Variants in CNTN4 observed in about 807,000 individuals in gnomAD.
CNTN4 encodes contactin-4.
CNTN4 carries 77 observed loss-of-function variants against 122.5 expected under a neutral mutation model. The ratio of observed to expected loss-of-function variants is 0.63; its 90% CI spans 0.52 to 0.76. The LOEUF is 0.76. CNTN4 is among the 30% of genes least tolerant of loss of function. The pLI is 0.00. For synonymous variants in CNTN4, 512 were observed against 447.0 expected, an observed-to-expected ratio of 1.15 and a Z score of -1.83; for missense variants, 1,256 against 1,259.1, an observed-to-expected ratio of 1.00 and a Z score of 0.04.
At chr3:2,263,137 T>C (rs2040904932) in intron 2 of CNTN4, among the ~76,000 whole-genome samples, 1 of 152,160 alleles carries the variant, frequency 6.6e-6, no homozygotes, top group Non-Finnish European at 1.5e-5. Context: ...AAAATTTATG[T>C]CCTCTAAGAA....
chr3:2,260,748 A>C (rs1174107604), intron 2 of CNTN4, among the ~76,000 whole-genome samples: 1 of 149,024 alleles, frequency 6.7e-6, no homozygotes, highest in South Asian at 2.1e-4. Flanking sequence ...TTTTTGAGAC[A>C]AGAGTCTCGC....
chr3:2,238,735 G>GTTTTTTTTTTTGTTTTTT (rs66733341), intron 2 of CNTN4: 1 of 78,870 alleles, frequency 1.3e-5, no homozygotes, highest in Non-Finnish European at 2.5e-5. Context: ...TTGGCTCTGT[G>GTTTTTTTTTTTGTTTTTT]TTTTTTTTTT....
At chr3:2,130,061 G>A (rs997106154) in intron 2 of CNTN4, among the ~76,000 whole-genome samples, 17 of 152,210 alleles carry the variant, frequency 1.1e-4, no homozygotes, top group African/African-American at 3.4e-4. Context: ...AAGTGATAGA[G>A]CACATCATAA....
At chr3:2,635,096 G>C (rs763929383) in intron 4 of CNTN4, among the ~76,000 whole-genome samples, 5 of 151,772 alleles carry the variant, frequency 3.3e-5, no homozygotes, top group Admixed American at 3.3e-4. Flanking sequence ...TTTTTTTCTA[G>C]TGAGCGATGT....
intron 23 of CNTN4, among the ~76,000 whole-genome samples, chr3:3,043,947 C>G (rs548469248): frequency 6.6e-6 from 1 of 152,104 alleles, no homozygotes; most frequent in South Asian, 2.1e-4. Flanking sequence ...GGATAAAGAC[C>G]CTGTGTTTGG....
rs191860421 is a variant in CNTN4 at position 2,820,631 on chromosome 3, G to A, written c.454+1050G>A. ...TTGGTTCCTCTGACAACCAATCAAG[G>A]GGCCTCACCAAGAGTCACCTAATTA... On this transcript the variant is annotated intron_variant, in intron 7 of 24. Coordinates refer to ENST00000418658, the MANE Select transcript of CNTN4 (RefSeq NM_175607.3). Among the ~76,000 whole-genome samples the A allele has an allele frequency of 2.8e-4, 43 of 152,090 alleles. No homozygotes were observed. The East Asian group carries it at 7.7e-3, about 27-fold the overall frequency.
chr3:3,020,363 G>C (rs1278370095), intron 14 of CNTN4, among the ~76,000 whole-genome samples: 1 of 152,142 alleles, frequency 6.6e-6, no homozygotes, highest in South Asian at 2.1e-4. Context: ...GTGTAAAAAA[G>C]ACAAATGATT....
At chr3:2,807,142 A>G (rs2092486824) in intron 6 of CNTN4, among the ~76,000 whole-genome samples, 1 of 152,188 alleles carries the variant, frequency 6.6e-6, no homozygotes, top group Non-Finnish European at 1.5e-5. Flanking sequence ...TACTGTAGGT[A>G]CTGAATGAAT....
chr3:2,909,347 CTG>C (rs1559650244), intron 12 of CNTN4, among the ~76,000 whole-genome samples: 1 of 152,016 alleles, frequency 6.6e-6, no homozygotes, highest in Non-Finnish European at 1.5e-5. Context: ...ACTCATCTTA[CTG>C]TGAAAACTGA....
At chr3:2,538,989 T>C (rs2077925365) in intron 3 of CNTN4, among the ~76,000 whole-genome samples, 1 of 152,026 alleles carries the variant, frequency 6.6e-6, no homozygotes, top group Admixed American at 6.6e-5. Flanking sequence ...CAAAATATTA[T>C]TGATGTAACT....
intron 3 of CNTN4, among the ~76,000 whole-genome samples, chr3:2,376,467 TCA>T (rs951034165): frequency 4.6e-5 from 7 of 152,152 alleles, no homozygotes; most frequent in African/African-American, 1.7e-4. Context: ...AGGAAAGAAT[TCA>T]CAGAGGCGGT....
intron 2 of CNTN4, among the ~76,000 whole-genome samples, chr3:2,327,036 A>G (rs1365822116): frequency 6.6e-6 from 1 of 152,142 alleles, no homozygotes; most frequent in Non-Finnish European, 1.5e-5. Flanking sequence ...TAAATGTAGC[A>G]TTGCCTACCC....
rs1695896256 is a variant in CNTN4 at position 3,000,167 on chromosome 3, C to A, written c.1486+11695C>A. 2.0e-5 allele frequency among the ~76,000 whole-genome samples: 3 copies of A among 151,252 alleles called. 1 individual carries two copies. In the South Asian group the frequency reaches 6.3e-4, roughly 32 times the overall value. On this transcript the variant is annotated intron_variant, in intron 14 of 24. Transcript: ENST00000418658. ...GACTATAACATCATTTATGAGTCTACAATATATATACTCTTTAAAAAAAAA... is the reference window on the plus strand; with the variant it reads ...GACTATAACATCATTTATGAGTCTAAAATATATATACTCTTTAAAAAAAAA...
At chr3:2,770,031 GTTTGTT>G (rs2091022010) in intron 6 of CNTN4, among the ~76,000 whole-genome samples, 1 of 138,894 alleles carries the variant, frequency 7.2e-6, no homozygotes, top group Non-Finnish European at 1.5e-5. Flanking sequence ...TTGTTTGTTT[GTTTGTT>G]TTTTTTTTTT....
intron 7 of CNTN4, among the ~76,000 whole-genome samples, chr3:2,823,596 A>G (rs1167458334): frequency 6.6e-6 from 1 of 152,192 alleles, no homozygotes; most frequent in Admixed American, 6.5e-5. Flanking sequence ...GCTCCTTCCT[A>G]TTAGACACAG....
intron 3 of CNTN4, among the ~76,000 whole-genome samples, chr3:2,530,855 A>G (rs1283986830): frequency 6.6e-6 from 1 of 152,218 alleles, no homozygotes; most frequent in Non-Finnish European, 1.5e-5. Context: ...TAATTTGGAA[A>G]TAATTCTCTT....
At chr3:2,235,043 A>G (rs1319557286) in intron 2 of CNTN4, among the ~76,000 whole-genome samples, 1 of 152,158 alleles carries the variant, frequency 6.6e-6, no homozygotes, top group Non-Finnish European at 1.5e-5. Context: ...TATCTGTTGT[A>G]TAGATAACAT....
intron 14 of CNTN4, among the ~76,000 whole-genome samples, chr3:3,006,047 G>A (rs1203683993): frequency 5.9e-5 from 9 of 151,706 alleles, no homozygotes; most frequent in East Asian, 1.9e-4. Flanking sequence ...CCCCACGCTC[G>A]GCTAATTTTT....
chr3:2,932,271 G>T (rs370571361), intron 13 of CNTN4, among the ~76,000 whole-genome samples: 1 of 152,112 alleles, frequency 6.6e-6, no homozygotes, highest in Non-Finnish European at 1.5e-5. Flanking sequence ...CCAGCTACTC[G>T]GGAGGCTGAG....
Sources: gnomAD v4.1 joint callset for allele counts (sites outside exome capture counted in the v4.1 genomes callset) on GRCh38, gnomAD v4.1.1 for gene constraint, MANE v1.5 for transcripts, NCBI Gene and HGNC (gene_info 2026-07-23, HGNC 2026-07-21) for gene names.